The following DHRS3 variants were observed in gnomAD, a reference collection of about 807,000 sequenced individuals.
The protein encoded by DHRS3 is dehydrogenase/reductase 3.
DHRS3 carries 14 observed loss-of-function variants against 27.2 expected under a neutral mutation model. The observed-to-expected ratio is 0.52, with a 90% confidence interval of 0.34 to 0.81. The LOEUF (loss-of-function observed/expected upper bound fraction) is 0.81, where lower values mean the gene tolerates loss of function less well. DHRS3 is among the 30% of genes least tolerant of loss of function. The probability of loss-of-function intolerance (pLI) is 0.01; values close to 1 mark genes in which losing one functional copy is unlikely to be tolerated. For missense variants in DHRS3, 322 were observed against 406.2 expected (o/e 0.79, Z 1.78); for synonymous variants, 165 against 175.9 (o/e 0.94, Z 0.49).
chr1:12,584,490 C>G (rs561059732), intron 1 of DHRS3, among the ~76,000 whole-genome samples: 1 of 151,152 alleles, frequency 6.6e-6, no homozygotes, highest in East Asian at 2.0e-4. Flanking sequence ...CTCACCCCCC[C>G]ACCCCCCAGG....
intron 1 of DHRS3, among the ~76,000 whole-genome samples, chr1:12,597,685 A>G (rs927976265): frequency 6.6e-6 from 1 of 152,252 alleles, no homozygotes; most frequent in African/African-American, 2.4e-5. Context: ...TGAATGAATG[A>G]AATAGTTTTG....
chr1:12,568,813 G>C (rs1646507727), intron 5 of DHRS3, among the ~76,000 whole-genome samples: 1 of 152,176 alleles, frequency 6.6e-6, no homozygotes, highest in African/African-American at 2.4e-5. Flanking sequence ...TATAGTCCTA[G>C]CTACTGGGGA....
At position 12,586,433 on chromosome 1, in the gene DHRS3, C is replaced by T. The variant is rs938056579; in HGVS notation, c.196-5767G>A. 1.1e-4 allele frequency among the ~76,000 whole-genome samples: 16 copies of T among 152,004 alleles called. No homozygotes were observed. The highest frequency in any genetic ancestry group is 9.8e-4 in the Admixed American group (15 of 15,260). Reference sequence around the variant, plus strand: ...CCACCCAGCCAGCCTTCTCCTGCTTCGTCTCCTCCAATGTCCACAACAGCC... The same window carrying T: ...CCACCCAGCCAGCCTTCTCCTGCTTTGTCTCCTCCAATGTCCACAACAGCC... On this transcript the variant is annotated intron_variant, in intron 1 of 5. Coordinates refer to ENST00000616661, the MANE Select transcript of DHRS3 (RefSeq NM_004753.7). The surrounding 1 kb of genome is among the most constrained non-coding windows in gnomAD (Gnocchi z 5.0).
rs1646754557 is a variant in DHRS3, at chr1:12,592,446, GA to G, written c.196-11781del. On this transcript the variant is annotated intron_variant, in intron 1 of 5. Coordinates refer to ENST00000616661, the MANE Select transcript of DHRS3 (RefSeq NM_004753.7). The surrounding 1 kb of genome is among the most constrained non-coding windows in gnomAD (Gnocchi z 4.2). ...GAGAGACAGAAGAAAGACATACACA[GA>G]GGAGAGGAAGGCCGCGTGAAGATGG... Among the ~76,000 whole-genome samples the G allele has an allele frequency of 1.3e-5, 2 of 152,214 alleles. No individual in the cohort carries two copies. Among genetic ancestry groups the G allele is most frequent in the Non-Finnish European group, 1.5e-5 (1 of 68,040 alleles).
intron 1 of DHRS3, 34 bp downstream of exon 1, chr1:12,617,120 G>A (rs1215445009): frequency 1.3e-5 from 20 of 1,588,382 alleles, no homozygotes; most frequent in Non-Finnish European, 1.7e-5. Flanking sequence ...CGCCCCTGCG[G>A]CCCCCCACTC....
At chr1:12,585,534 G>C (rs970783657) in intron 1 of DHRS3, among the ~76,000 whole-genome samples, 1 of 152,206 alleles carries the variant, frequency 6.6e-6, no homozygotes, top group South Asian at 2.1e-4. Context: ...GTGCTGGGCT[G>C]GCGCCTGAGT....
chr1:12,606,749 C>G (rs926797759), intron 1 of DHRS3, among the ~76,000 whole-genome samples: 27 of 152,092 alleles, frequency 1.8e-4, no homozygotes, highest in African/African-American at 6.5e-4. Flanking sequence ...CCCGCCTCAG[C>G]CTCCCAAAGT....
At position 12,568,155 on chromosome 1, in the gene DHRS3, G is replaced by A. The variant is rs894912829; in HGVS notation, c.*185C>T. 10 of 574,906 alleles carry A rather than the reference G, an allele frequency of 1.7e-5. No homozygotes were observed. Among genetic ancestry groups the A allele is most frequent in the African/African-American group, 1.7e-4 (9 of 53,132 alleles). The allele number at this position is 574,906 out of a possible 1,614,324, so 35.6% of individuals were successfully genotyped here. ...TTTTCCTGCCTCCCTGTGGGGGTCA[G>A]TTATACCCATCAGTCCTGTGCAAAG... On this transcript the variant is annotated 3_prime_UTR_variant, in exon 6 of 6. Transcript: ENST00000616661.
Position 12,578,147 on chromosome 1 carries a change from T to G in DHRS3, c.698+571A>C, listed in dbSNP as rs1646606939. On this transcript the variant is annotated intron_variant, in intron 4 of 5. Coordinates refer to ENST00000616661, the MANE Select transcript of DHRS3 (RefSeq NM_004753.7). This position sits in a 1 kb window ranked among gnomAD's most constrained non-coding sequence, Gnocchi z 4.5. ...CCCTGCACGACGCTGTGGAGGTGCATCTCCCTCATTTGACCTTTAGACACA... is the reference window on the plus strand; with the variant it reads ...CCCTGCACGACGCTGTGGAGGTGCAGCTCCCTCATTTGACCTTTAGACACA... 2.0e-5 allele frequency among the ~76,000 whole-genome samples: 3 copies of G among 152,150 alleles called. No homozygotes were observed. In the South Asian group the frequency reaches 6.2e-4, roughly 31 times the overall value.
At chr1:12,611,794 T>A (rs1646911041) in intron 1 of DHRS3, among the ~76,000 whole-genome samples, 1 of 151,946 alleles carries the variant, frequency 6.6e-6, no homozygotes, top group Non-Finnish European at 1.5e-5. Flanking sequence ...TTTTCCAGGG[T>A]CAAGAACCCA....
At chr1:12,602,355 G>T (rs1425490997) in intron 1 of DHRS3, among the ~76,000 whole-genome samples, 4 of 124,306 alleles carry the variant, frequency 3.2e-5, no homozygotes, top group Non-Finnish European at 7.8e-5. Context: ...GTGAGGCCTC[G>T]GGTGGAAGGG....
intron 1 of DHRS3, among the ~76,000 whole-genome samples, chr1:12,584,894 TGTC>T (rs1317768081): frequency 6.6e-6 from 1 of 152,124 alleles, no homozygotes; most frequent in African/African-American, 2.4e-5. Flanking sequence ...TGTGTGTGTG[TGTC>T]TGTGTGGGTC....
At chr1:12,587,127 A>G (rs989377377) in intron 1 of DHRS3, among the ~76,000 whole-genome samples, 3 of 150,980 alleles carry the variant, frequency 2.0e-5, no homozygotes, top group Non-Finnish European at 2.9e-5. Flanking sequence ...GAATAAGATA[A>G]TCTCAACTCT....
At chr1:12,576,228 A>C (rs967871779) in intron 4 of DHRS3, among the ~76,000 whole-genome samples, 1 of 152,132 alleles carries the variant, frequency 6.6e-6, no homozygotes, top group African/African-American at 2.4e-5. Context: ...CGATGTCTGC[A>C]ATGTCCTGCT....
intron 5 of DHRS3, among the ~76,000 whole-genome samples, chr1:12,572,430 A>G (rs572435746): frequency 1.7e-4 from 26 of 152,334 alleles, no homozygotes; most frequent in Middle Eastern, 3.4e-3. Context: ...TCGGCCTCCC[A>G]AAGTGCTAGG....
chr1:12,587,468 G>T (rs1200867472), intron 1 of DHRS3, among the ~76,000 whole-genome samples: 2 of 151,996 alleles, frequency 1.3e-5, no homozygotes, highest in Admixed American at 1.3e-4. Context: ...CACAGAGATG[G>T]GTGTCTCAGG....
intron 2 of DHRS3, chr1:12,580,320 A>G (rs1646632084): frequency 1.6e-6 from 1 of 644,172 alleles, no homozygotes; most frequent in African/African-American, 1.8e-5. Context: ...GGAACAACAG[A>G]TGATTACGCC....
Position 12,568,162 on chromosome 1 carries a change from CCAT to C in DHRS3, c.*175_*177del, listed in dbSNP as rs1646500869. Reference sequence around the variant, plus strand: ...GCCTCCCTGTGGGGGTCAGTTATACCCATCAGTCCTGTGCAAAGGTCCTGGGAC... The same window carrying C: ...GCCTCCCTGTGGGGGTCAGTTATACCCAGTCCTGTGCAAAGGTCCTGGGAC... On this transcript the variant is annotated 3_prime_UTR_variant, in exon 6 of 6. Transcript: ENST00000616661. 3.5e-6 allele frequency: 2 copies of C among 579,360 alleles called. No homozygotes were observed. The highest frequency in any genetic ancestry group is 4.0e-5 in the South Asian group (2 of 49,800). 35.9% of individuals were successfully genotyped at this position (579,360 alleles called of 1,614,324 possible).
intron 1 of DHRS3, among the ~76,000 whole-genome samples, chr1:12,587,696 G>A (rs1281543003): frequency 6.6e-6 from 1 of 151,452 alleles, no homozygotes; most frequent in Non-Finnish European, 1.5e-5. Flanking sequence ...GACAGAGAGA[G>A]AGCCGGTCTC....
Sources: gnomAD v4.1 joint callset for allele counts (sites outside exome capture counted in the v4.1 genomes callset) on GRCh38, gnomAD v4.1.1 for gene constraint, Gnocchi (gnomAD v3.1) non-coding constraint, MANE v1.5 for transcripts, NCBI Gene and HGNC (gene_info 2026-07-23, HGNC 2026-07-21) for gene names.